Variants in MID1 observed in about 807,000 individuals in gnomAD.
MID1 encodes E3 ubiquitin-protein ligase Midline-1.
Under a neutral mutation model 40.4 loss-of-function variants are expected in MID1, and 7 were observed. The observed-to-expected ratio is 0.17, with a 90% CI of 0.10 to 0.33. The LOEUF is 0.33. Among genes scored for constraint, MID1 ranks in the 10% least tolerant of loss-of-function variants. The pLI, the probability that MID1 is intolerant of heterozygous loss-of-function variation, is 1.00. For missense variants in MID1, 367 were observed against 558.5 expected, an observed-to-expected ratio of 0.66 and a Z score of 3.46; for synonymous variants, 229 against 221.2, an observed-to-expected ratio of 1.04 and a Z score of -0.31.
chrX:10,524,495 G>C (rs1405158990), intron 2 of MID1, among the ~76,000 whole-genome samples: 1 of 112,378 alleles, frequency 8.9e-6, no homozygotes, highest in Admixed American at 9.4e-5. Context: ...GCTGCAGGTG[G>C]CCTTGCAGGC....
chrX:10,785,448 A>C (rs746199563), intron 1 of MID1, among the ~76,000 whole-genome samples: 1,153 of 111,401 alleles, frequency 0.01, 5 homozygotes, highest in Non-Finnish European at 0.018. Context: ...ACTTTCTTCA[A>C]AGAATTGGAA....
chrX:10,472,848 G>A (rs763247202), intron 6 of MID1, among the ~76,000 whole-genome samples: 3 of 112,266 alleles, frequency 2.7e-5, no homozygotes, highest in East Asian at 5.6e-4. Flanking sequence ...GGGGTCTGAG[G>A]TCGTCACTGA....
intron 1 of MID1, among the ~76,000 whole-genome samples, chrX:10,775,098 A>C (rs1342428110): frequency 7.7e-5 from 8 of 103,624 alleles, no homozygotes; most frequent in Non-Finnish European, 1.6e-4. Flanking sequence ...GAGGAGAATG[A>C]AAAAGAGGGA....
At chrX:10,479,991 C>A (rs1465520073) in intron 5 of MID1, among the ~76,000 whole-genome samples, 5 of 111,936 alleles carry the variant, frequency 4.5e-5, no homozygotes, top group Non-Finnish European at 9.4e-5. Context: ...AGTGCTAGGA[C>A]TGGAACCCAG....
At chrX:10,610,599 A>C (rs1405030559) in intron 1 of MID1, among the ~76,000 whole-genome samples, 2 of 111,645 alleles carry the variant, frequency 1.8e-5, no homozygotes, top group Non-Finnish European at 3.8e-5. Context: ...GAGGAGGGAA[A>C]TATATTTACA....
rs749303025 is a variant in MID1 at position 10,805,212 on chromosome X, G to C, written c.-187+28342C>G. Reference sequence around the variant, plus strand: ...ATTAGGTATATCTCCTAATGCTATCGCTCCCCCCTCCCCCCACCCCACAAC... The same window carrying C: ...ATTAGGTATATCTCCTAATGCTATCCCTCCCCCCTCCCCCCACCCCACAAC... On this transcript the variant is annotated intron_variant, in intron 1 of 10. Coordinates refer to the MID1 transcript ENST00000380785. Among the ~76,000 whole-genome samples, 10 of 100,748 alleles carry C rather than the reference G, an allele frequency of 9.9e-5. No individual in the cohort carries two copies. In the East Asian group the frequency reaches 1.3e-3, roughly 13 times the overall value. 87.5% of individuals were successfully genotyped at this position (100,748 alleles called of 115,157 possible). A position where few individuals can be genotyped will look rare whatever the true frequency, so the allele number is the denominator to read the frequency against.
chrX:10,653,987 T>C (rs111964552), intron 1 of MID1, among the ~76,000 whole-genome samples: 9 of 112,550 alleles, frequency 8.0e-5, no homozygotes, highest in African/African-American at 2.9e-4. Flanking sequence ...GAAAGATGTA[T>C]GCATCATTTC....
At chrX:10,657,647 G>A (rs182512247) in intron 1 of MID1, among the ~76,000 whole-genome samples, 70 of 111,966 alleles carry the variant, frequency 6.3e-4, no homozygotes, top group African/African-American at 2.1e-3. Flanking sequence ...TATCCACAGG[G>A]CAATAAACTT....
At chrX:10,581,529 G>C (rs142819670) in intron 1 of MID1, among the ~76,000 whole-genome samples, 101 of 111,757 alleles carry the variant, frequency 9.0e-4, no homozygotes, top group Admixed American at 3.1e-3. Flanking sequence ...GGACAGGGTG[G>C]TAGGGGATGG....
At chrX:10,541,670 A>C (rs73202013) in intron 2 of MID1, among the ~76,000 whole-genome samples, 401 of 111,653 alleles carry the variant, frequency 3.6e-3, no homozygotes, top group Non-Finnish European at 5.9e-3. Flanking sequence ...TTCCTAACAC[A>C]TAAGGCTGGA....
chrX:10,700,419 G>A lies in MID1; in HGVS notation c.-186-80000C>T, dbSNP rs778795140. ...ATACAAAAATTAGCCGGCCATGGTG[G>A]CATGCACCTCTAGTCCCAGCTACTC... On this transcript the variant is annotated intron_variant, in intron 1 of 10. Coordinates refer to the MID1 transcript ENST00000380785. Among the ~76,000 whole-genome samples, 5 of 110,689 alleles carry A rather than the reference G, an allele frequency of 4.5e-5. No individual in the cohort carries two copies. The East Asian group carries it at 1.4e-3, about 32-fold the overall frequency.
chrX:10,833,352 T>C (rs756827947), intron 1 of MID1, among the ~76,000 whole-genome samples: 3 of 112,072 alleles, frequency 2.7e-5, no homozygotes, highest in Non-Finnish European at 5.6e-5. Flanking sequence ...TCTAAAGTGC[T>C]AAAAATCATT....
chrX:10,453,332 G>C (rs1305408065), intron 9 of MID1, among the ~76,000 whole-genome samples: 1 of 111,469 alleles, frequency 9.0e-6, no homozygotes, highest in Non-Finnish European at 1.9e-5. Flanking sequence ...TGAATTGAAA[G>C]GTTTTTTTAT....
At chrX:10,791,430 C>T (rs1370345500) in intron 1 of MID1, among the ~76,000 whole-genome samples, 5 of 112,145 alleles carry the variant, frequency 4.5e-5, no homozygotes, top group Non-Finnish European at 7.5e-5. Context: ...TTAGAAAACA[C>T]GATGGCTAAT....
chrX:10,586,220 C>T (rs976107113), intron 1 of MID1, among the ~76,000 whole-genome samples: 1 of 111,816 alleles, frequency 8.9e-6, no homozygotes, highest in African/African-American at 3.3e-5. Flanking sequence ...GGGAACAGCC[C>T]TCAGTCTGAG....
intron 1 of MID1, among the ~76,000 whole-genome samples, chrX:10,819,247 G>GAA (rs1263499696): frequency 2.7e-5 from 3 of 110,569 alleles, no homozygotes; most frequent in Admixed American, 9.6e-5. Flanking sequence ...GAGAGAGAGA[G>GAA]AAATAATACT....
At chrX:10,533,469 T>C (rs895862937) in intron 2 of MID1, among the ~76,000 whole-genome samples, 2 of 6,571 alleles carry the variant, frequency 3.0e-4, no homozygotes, top group African/African-American at 1.4e-3. Flanking sequence ...TCCATGTGGA[T>C]GGTAAAAAAA....
rs1569272262 is a variant in MID1 at position 10,465,216 on chromosome X, C to CATAT, written c.1285+4480_1285+4481insATAT. On this transcript the variant is annotated intron_variant, in intron 7 of 9. Transcript: ENST00000317552. ...ATATATATATATATATATATATATA[C>CATAT]ACACACACACACACACACACACACA... Among the ~76,000 whole-genome samples, 10 of 41,233 alleles carry CATAT rather than the reference C, an allele frequency of 2.4e-4. No individual in the cohort carries two copies. The East Asian group carries it at 5.3e-3, about 22-fold the overall frequency. 35.8% of individuals were successfully genotyped at this position (41,233 alleles called of 115,157 possible).
At chrX:10,772,623 C>A (rs2043778561) in intron 1 of MID1, among the ~76,000 whole-genome samples, 1 of 108,563 alleles carries the variant, frequency 9.2e-6, no homozygotes, top group Admixed American at 9.9e-5. Flanking sequence ...CTAAATTAAA[C>A]TTAAATAAGT....
Sources: gnomAD v4.1 joint callset for allele counts (sites outside exome capture counted in the v4.1 genomes callset) on GRCh38, gnomAD v4.1.1 for gene constraint, MANE v1.5 for transcripts, NCBI Gene and HGNC (gene_info 2026-07-23, HGNC 2026-07-21) for gene names.